Variants in SMS observed in about 807,000 individuals in gnomAD.
SMS encodes the protein spermidine aminopropyltransferase.
Under a neutral mutation model 33.0 loss-of-function variants are expected in SMS, and 3 were observed. The ratio of observed to expected loss-of-function variants is 0.09; its 90% CI spans 0.04 to 0.23. SMS has a LOEUF of 0.23. Among genes scored for constraint, SMS ranks in the 10% least tolerant of loss-of-function variants. The pLI is 1.00. For synonymous variants in SMS, 103 were observed against 112.2 expected, an observed-to-expected ratio of 0.92 and a Z score of 0.52; for missense variants, 117 against 288.6, an observed-to-expected ratio of 0.41 and a Z score of 4.31.
intron 2 of SMS, among the ~76,000 whole-genome samples, chrX:21,969,077 C>T (rs1923939741): frequency 9.0e-6 from 1 of 111,191 alleles, no homozygotes; most frequent in African/African-American, 3.3e-5. Flanking sequence ...GGAAAAAGTA[C>T]CCACCTCCAT....
chrX:21,964,063 T>TA (rs1923536806), intron 1 of SMS, among the ~76,000 whole-genome samples: 1 of 52,835 alleles, frequency 1.9e-5, no homozygotes, highest in African/African-American at 1.3e-4. Context: ...TGAAATCAGA[T>TA]TTTTTTTTTT....
At chrX:21,953,970 G>GTC (rs1922803277) in intron 1 of SMS, among the ~76,000 whole-genome samples, 4 of 104,693 alleles carry the variant, frequency 3.8e-5, no homozygotes, top group African/African-American at 1.4e-4. Context: ...GTACTAGTGT[G>GTC]GATTAGGAAT....
At chrX:21,964,152 A>T (rs1199258092) in intron 1 of SMS, among the ~76,000 whole-genome samples, 3 of 110,458 alleles carry the variant, frequency 2.7e-5, no homozygotes, top group Non-Finnish European at 3.8e-5. Flanking sequence ...AATTTCCTGA[A>T]ACCAATTTCA....
In SMS at chrX:21,984,356, G is replaced by T; in HGVS notation, c.803G>T (p.Arg268Ile). ...PVLKRYAKEG[R>I]EFDYVINDLT... ...CTGAAGAGGTACGCCAAAGAAGGGA[G>T]AGAATTTGATTATGTGATTAATGAT... Residue 268 changes from arginine (R) to isoleucine (I), a missense_variant, in exon 8 of 11, where the codon AGA (arginine) becomes ATA (isoleucine). Physicochemically the swap from Arg to Ile is moderately conservative, Grantham distance 97 (BLOSUM62 -3). This residue lies in a region of SMS where 69 missense variants were observed against 203.8 expected (regional missense o/e 0.34). Transcript: ENST00000404933. The T allele has an allele frequency of 8.3e-7, 1 of 1,200,008 alleles. No individual in the cohort carries two copies. The highest frequency in any genetic ancestry group is 2.2e-5 in the Admixed American group (1 of 46,015).
intron 7 of SMS, among the ~76,000 whole-genome samples, chrX:21,981,988 T>C (rs905565332): frequency 6.3e-5 from 7 of 110,528 alleles, no homozygotes; most frequent in East Asian, 2.8e-4. Flanking sequence ...TAAAAAGGTA[T>C]AGAGGATATT....
chrX:21,961,489 G>C (rs1923347607), intron 1 of SMS, among the ~76,000 whole-genome samples: 1 of 111,237 alleles, frequency 9.0e-6, no homozygotes, highest in African/African-American at 3.3e-5. Context: ...ACACAGATTT[G>C]TGCTTTGGGC....
intron 1 of SMS, among the ~76,000 whole-genome samples, chrX:21,966,557 T>C (rs191020721): frequency 3.5e-4 from 39 of 110,657 alleles, no homozygotes; most frequent in African/African-American, 1.0e-3. Context: ...TCTGCGACCA[T>C]GGGGGTGGGG....
chrX:21,951,395 C>G, intron 1 of SMS, among the ~76,000 whole-genome samples: 1 of 112,225 alleles, frequency 8.9e-6, no homozygotes, highest in Non-Finnish European at 1.9e-5. Flanking sequence ...GTTGCCTGTT[C>G]ACTCTGATGA....
chrX:21,989,085 A>G (rs1017410219), intron 9 of SMS, among the ~76,000 whole-genome samples: 3 of 111,073 alleles, frequency 2.7e-5, no homozygotes, highest in Non-Finnish European at 5.7e-5. Context: ...TCTTACATGT[A>G]TGATTTCCTA....
Position 21,940,737 on chromosome X carries a change from T to C in SMS, c.-88T>C, listed in dbSNP as rs1921686699. ...CCTGGCCTCCCCGGGCGCAGCACACTCCCAGCCGGCCGCAGCCTGACACGC... is the reference window on the plus strand; with the variant it reads ...CCTGGCCTCCCCGGGCGCAGCACACCCCCAGCCGGCCGCAGCCTGACACGC... On this transcript the variant is annotated 5_prime_UTR_variant, in exon 1 of 11. Transcript: ENST00000404933. 2.6e-6 allele frequency: 2 copies of C among 774,981 alleles called. No individual in the cohort carries two copies. The highest frequency in any genetic ancestry group is 3.6e-6 in the Non-Finnish European group (2 of 557,412). 63.9% of individuals were successfully genotyped at this position (774,981 alleles called of 1,213,427 possible).
At chrX:21,946,744 G>T (rs896614007) in intron 1 of SMS, among the ~76,000 whole-genome samples, 26 of 111,660 alleles carry the variant, frequency 2.3e-4, no homozygotes, top group Non-Finnish European at 4.0e-4. Context: ...ACTCCCCTGC[G>T]GCATTGACAG....
chrX:21,983,105 T>C (rs1394605698), intron 7 of SMS, among the ~76,000 whole-genome samples: 1 of 111,436 alleles, frequency 9.0e-6, no homozygotes, highest in Non-Finnish European at 1.9e-5. Flanking sequence ...TGCGCGATGA[T>C]CATGGCTCAC....
At chrX:21,984,854 A>T (rs958971150) in intron 8 of SMS, among the ~76,000 whole-genome samples, 1 of 110,714 alleles carries the variant, frequency 9.0e-6, no homozygotes, top group African/African-American at 3.3e-5. Flanking sequence ...TTCTCTCAGG[A>T]TTTTGCTGCT....
intron 1 of SMS, among the ~76,000 whole-genome samples, chrX:21,959,134 CAT>C (rs1389153400): frequency 8.9e-6 from 1 of 112,303 alleles, no homozygotes; most frequent in Non-Finnish European, 1.9e-5. Flanking sequence ...AAGGACTAGA[CAT>C]AGGGCTATAA....
At chrX:21,987,816 TGTC>T (rs776393626) in intron 9 of SMS, among the ~76,000 whole-genome samples, 6 of 112,429 alleles carry the variant, frequency 5.3e-5, no homozygotes, top group Non-Finnish European at 1.1e-4. Context: ...GTCCACCTGT[TGTC>T]TACTACAGCC....
intron 1 of SMS, among the ~76,000 whole-genome samples, chrX:21,965,343 AG>A (rs1409684099): frequency 1.8e-5 from 2 of 111,124 alleles, no homozygotes; most frequent in South Asian, 3.7e-4. Flanking sequence ...ACTTTTAAAA[AG>A]TCTGTGCAGG....
intron 5 of SMS, 113 bp from the exon 6 acceptor site, chrX:21,977,847 T>C (rs1255878836): frequency 2.1e-5 from 17 of 796,754 alleles, no homozygotes; most frequent in East Asian, 3.2e-5. Context: ...TTTTAAAAAA[T>C]TGAAAATGAA....
At chrX:21,970,123 T>C (rs999270181) in intron 2 of SMS, among the ~76,000 whole-genome samples, 13 of 112,696 alleles carry the variant, frequency 1.2e-4, no homozygotes, top group Non-Finnish European at 1.9e-4. Context: ...GCTTAGTTTT[T>C]AAGAGTTTTC....
chrX:21,946,348 C>T (rs1168400542), intron 1 of SMS, among the ~76,000 whole-genome samples: 1 of 112,416 alleles, frequency 8.9e-6, no homozygotes, highest in Non-Finnish European at 1.9e-5. Flanking sequence ...AAAAGCGGCT[C>T]TTTGAACTAT....
Sources: gnomAD v4.1 joint callset for allele counts (sites outside exome capture counted in the v4.1 genomes callset) on GRCh38, gnomAD v4.1.1 for gene constraint, gnomAD v4.1.1 regional missense constraint, MANE v1.5 for transcripts, NCBI Gene and HGNC (gene_info 2026-07-23, HGNC 2026-07-21) for gene names.